The following SLC7A5 variants were observed in gnomAD, a reference collection of about 807,000 sequenced individuals.
SLC7A5 encodes the protein large neutral amino acids transporter small subunit 1.
In SLC7A5, 23 loss-of-function variants were observed where a neutral mutation model predicts 50.2. The observed-to-expected ratio is 0.46, with a 90% confidence interval of 0.33 to 0.65. The LOEUF is 0.65. Among genes scored for constraint, SLC7A5 ranks in the 30% least tolerant of loss-of-function variants. The pLI is 0.02. For synonymous variants in SLC7A5, 393 were observed against 330.6 expected (o/e 1.19, Z -2.05); for missense variants, 578 against 684.4 (o/e 0.84, Z 1.73).
At position 87,856,582 on chromosome 16, in the gene SLC7A5, C is replaced by A. The variant is rs1252918887; in HGVS notation, c.539-4733G>T. On this transcript the variant is annotated intron_variant, in intron 1 of 9. Transcript: ENST00000261622. The stretch of plus-strand genomic sequence containing the variant: ...GAGCCAGCACCTGGCAAACCTGACA[C>A]CCAGCCTTGGAGCTTGGGCCCCCCT... 3.9e-5 allele frequency among the ~76,000 whole-genome samples: 6 copies of A among 152,234 alleles called. No individual in the cohort carries two copies. The East Asian group carries it at 9.6e-4, about 24-fold the overall frequency.
rs1011449293 is a variant in SLC7A5, at chr16:87,840,411, A to G, written c.815+18T>C. ...TAAAATAATGAAAAAAGACGGCTCC[A>G]TCCATTCTTGCACGTACCTGTAGGG... On this transcript the variant is annotated intron_variant, in intron 4 of 9. Coordinates refer to ENST00000261622, the MANE Select transcript of SLC7A5 (RefSeq NM_003486.7). The G allele has an allele frequency of 6.2e-7, 1 of 1,602,972 alleles. No individual in the cohort carries two copies. The highest frequency in any genetic ancestry group is 8.5e-7 in the Non-Finnish European group (1 of 1,169,822).
At chr16:87,844,099 C>T (rs530943377) in intron 2 of SLC7A5, among the ~76,000 whole-genome samples, 4 of 152,274 alleles carry the variant, frequency 2.6e-5, no homozygotes, top group South Asian at 4.1e-4. Flanking sequence ...AGAGAATCAC[C>T]GTGGACAGAC....
At chr16:87,846,919 T>C (rs572009932) in intron 2 of SLC7A5, among the ~76,000 whole-genome samples, 4 of 152,292 alleles carry the variant, frequency 2.6e-5, no homozygotes, top group South Asian at 4.1e-4. Context: ...GGACAGCCCA[T>C]TTCCCAGGGG....
chr16:87,856,813 G>A (rs1041834484), intron 1 of SLC7A5, among the ~76,000 whole-genome samples: 11 of 152,036 alleles, frequency 7.2e-5, no homozygotes, highest in African/African-American at 1.7e-4. Flanking sequence ...ACCATCTCCC[G>A]TGTCATCCCC....
At position 87,869,439 on chromosome 16, in the gene SLC7A5, G is replaced by T; in HGVS notation, c.-17C>A. 7.0e-7 allele frequency: 1 copy of T among 1,424,330 alleles called. No individual in the cohort carries two copies. Among genetic ancestry groups the T allele is most frequent in the Non-Finnish European group, 9.1e-7 (1 of 1,100,682 alleles). 88.2% of individuals were successfully genotyped at this position (1,424,330 alleles called of 1,614,324 possible). A position where few individuals can be genotyped will look rare whatever the true frequency, so the allele number is the denominator to read the frequency against. The stretch of plus-strand genomic sequence containing the variant: ...ACCCGCCATGCTCTGCGCACCGGCC[G>T]GGCCTGGGACACCCGGGAGCCGCGG... On this transcript the variant is annotated 5_prime_UTR_variant, in exon 1 of 10. Coordinates refer to ENST00000261622, the MANE Select transcript of SLC7A5 (RefSeq NM_003486.7).
intron 7 of SLC7A5, chr16:87,837,447 A>G: frequency 3.8e-6 from 1 of 261,244 alleles, no homozygotes. Flanking sequence ...TGACACAGCC[A>G]GAGGGAACAA....
At chr16:87,847,530 A>C (rs1439812087) in intron 2 of SLC7A5, among the ~76,000 whole-genome samples, 1 of 151,944 alleles carries the variant, frequency 6.6e-6, no homozygotes, top group Admixed American at 6.5e-5. Context: ...TGTCCTCCAG[A>C]CCTCCACCCT....
intron 2 of SLC7A5, among the ~76,000 whole-genome samples, chr16:87,849,087 C>T (rs904434293): frequency 2.6e-5 from 4 of 152,338 alleles, no homozygotes; most frequent in East Asian, 1.9e-4. Flanking sequence ...GCCAGATTTT[C>T]GCTGCATTCT....
chr16:87,861,544 A>G lies in SLC7A5; in HGVS notation c.538+7341T>C, dbSNP rs1224940138. ...AAATTGGGGATTATCACTGGCTTCAAAGGCTGGAGTGCAAAGTGGTGGCCA... is the reference window on the plus strand; with the variant it reads ...AAATTGGGGATTATCACTGGCTTCAGAGGCTGGAGTGCAAAGTGGTGGCCA... On this transcript the variant is annotated intron_variant, in intron 1 of 9. Coordinates refer to ENST00000261622, the MANE Select transcript of SLC7A5 (RefSeq NM_003486.7). The surrounding 1 kb of genome is among the most constrained non-coding windows in gnomAD (Gnocchi z 4.2). 6.6e-6 allele frequency among the ~76,000 whole-genome samples: 1 copy of G among 152,116 alleles called. No homozygotes were observed. Among genetic ancestry groups the G allele is most frequent in the East Asian group, 1.9e-4 (1 of 5,188 alleles).
chr16:87,845,933 C>T (rs954818729), intron 2 of SLC7A5, among the ~76,000 whole-genome samples: 4 of 152,316 alleles, frequency 2.6e-5, no homozygotes, highest in South Asian at 2.1e-4. Flanking sequence ...CACACGGCAC[C>T]GGCAGAGCCC....
chr16:87,868,818 G>A lies in SLC7A5; in HGVS notation c.538+67C>T, dbSNP rs1182669537. The A allele has an allele frequency of 4.8e-6, 7 of 1,460,562 alleles. No homozygotes were observed. In the Admixed American group the frequency reaches 7.8e-5, roughly 16 times the overall value. 90.5% of individuals were successfully genotyped at this position (1,460,562 alleles called of 1,614,324 possible). A position where few individuals can be genotyped will look rare whatever the true frequency, so the allele number is the denominator to read the frequency against. ...TAGAGATGTGGGAGCCAGGGGCGTA[G>A]TGATGCAAGGATGCAGGGACCCAGA... On this transcript the variant is annotated intron_variant, in intron 1 of 9. Transcript: ENST00000261622.
chr16:87,851,752 G>C lies in SLC7A5; in HGVS notation c.636C>G (p.Ile212Met), dbSNP rs2055226887. The stretch of plus-strand genomic sequence containing the variant: ...TCCCGATCTGGACGAAGCCCAGCAG[G>C]ATGATCAGGGCCAGGGCCAGGAGCT... ...AAKLLALALI[I>M]LLGFVQIGKG... Residue 212 changes from isoleucine to methionine, a missense_variant, in exon 2 of 10, where the codon ATC becomes ATG. Transcript: ENST00000261622. The C allele has an allele frequency of 1.2e-6, 2 of 1,613,180 alleles. No individual in the cohort carries two copies. Among genetic ancestry groups the C allele is most frequent in the Non-Finnish European group, 1.7e-6 (2 of 1,179,954 alleles).
In SLC7A5 at chr16:87,846,055, C is replaced by T. The variant is rs367790168; in HGVS notation, c.665-4900G>A. ...CGGGTCAAGCATCCTTTATCAACTG[C>T]GAGGTCTTCGAGGCCCAAAAGAGGT... On this transcript the variant is annotated intron_variant, in intron 2 of 9. Coordinates refer to ENST00000261622, the MANE Select transcript of SLC7A5 (RefSeq NM_003486.7). Among the ~76,000 whole-genome samples the T allele has an allele frequency of 3.1e-3, 468 of 152,348 alleles. 2 individuals carry two copies. The highest frequency in any genetic ancestry group is 0.011 in the African/African-American group (453 of 41,570).
intron 1 of SLC7A5, among the ~76,000 whole-genome samples, chr16:87,856,834 T>C (rs1242694994): frequency 6.6e-6 from 1 of 151,874 alleles, no homozygotes; most frequent in East Asian, 1.9e-4. Flanking sequence ...CGGGGGAACT[T>C]ATAAAAGCAG....
At chr16:87,834,328 G>A in intron 9 of SLC7A5, 86 bp downstream of exon 9, 1 of 1,350,932 alleles carries the variant, frequency 7.4e-7, no homozygotes, top group Non-Finnish European at 1.0e-6. Flanking sequence ...TTCGCCCCAT[G>A]TGGGTGGAGA....
intron 2 of SLC7A5, among the ~76,000 whole-genome samples, chr16:87,846,649 A>C (rs1054517554): frequency 1.2e-4 from 19 of 152,138 alleles, no homozygotes; most frequent in African/African-American, 4.3e-4. Context: ...CAGGAGGCCG[A>C]GCACCCCGCC....
intron 1 of SLC7A5, among the ~76,000 whole-genome samples, chr16:87,859,670 G>C (rs1188610885): frequency 6.6e-6 from 1 of 152,188 alleles, no homozygotes; most frequent in African/African-American, 2.4e-5. Context: ...GCCTGGCTCA[G>C]TGGCTCATGC....
rs144253961 is a variant in SLC7A5 at position 87,833,019 on chromosome 16, G to C, written c.1475C>G (p.Thr492Arg). Reference sequence around the variant, plus strand: ...CATGAGCTTCTGACACAGGACGGTCGTGGAGACTGTCAGGAGAGAAGACAG... The same window carrying C: ...CATGAGCTTCTGACACAGGACGGTCCTGGAGACTGTCAGGAGAGAAGACAG... ...PKWLLQGIFSTTVLCQKLMQV... is the reference protein window; with the variant it reads ...PKWLLQGIFSRTVLCQKLMQV... The change falls in exon 10 of 10, where the codon ACG (threonine) becomes AGG (arginine). Residue 492 changes from threonine to arginine, a missense_variant. This residue lies in a region of SLC7A5 where 465 missense variants were observed against 594.6 expected (regional missense o/e 0.78). Coordinates refer to ENST00000261622, the MANE Select transcript of SLC7A5 (RefSeq NM_003486.7). The surrounding 1 kb of genome is among the most constrained non-coding windows in gnomAD (Gnocchi z 6.0). 4.3e-6 allele frequency: 7 copies of C among 1,613,666 alleles called. No individual in the cohort carries two copies. Among genetic ancestry groups the C allele is most frequent in the Non-Finnish European group, 5.9e-6 (7 of 1,179,700 alleles).
intron 1 of SLC7A5, among the ~76,000 whole-genome samples, chr16:87,855,894 A>T (rs555328907): frequency 6.6e-6 from 1 of 152,270 alleles, no homozygotes; most frequent in Non-Finnish European, 1.5e-5. Context: ...ATCCGTGGAT[A>T]GGGTTCAGGG....
Sources: gnomAD v4.1 joint callset for allele counts (sites outside exome capture counted in the v4.1 genomes callset) on GRCh38, gnomAD v4.1.1 for gene constraint, gnomAD v4.1.1 regional missense constraint, Gnocchi (gnomAD v3.1) non-coding constraint, MANE v1.5 for transcripts, NCBI Gene and HGNC (gene_info 2026-07-23, HGNC 2026-07-21) for gene names.